The following SNX10 variants were observed in gnomAD, a reference collection of about 807,000 sequenced individuals.
The protein encoded by SNX10 is sorting nexin-10.
SNX10 carries 25 observed loss-of-function variants against 28.5 expected under a neutral mutation model. The observed-to-expected ratio is 0.88, with a 90% CI of 0.64 to 1.22. The LOEUF is 1.22. Ranked by LOEUF, SNX10 falls within the 50% of genes most tolerant of loss-of-function variation. SNX10 has a pLI of 0.00. For missense variants in SNX10, 223 were observed against 242.6 expected (o/e 0.92, Z 0.54); for synonymous variants, 62 against 81.4 (o/e 0.76, Z 1.28).
rs1458328765 is a variant in SNX10 at position 26,364,440 on chromosome 7, T to A, written c.112-95T>A. On this transcript the variant is annotated intron_variant, in intron 3 of 6. Coordinates refer to ENST00000338523, the MANE Select transcript of SNX10 (RefSeq NM_013322.3). This position sits in a 1 kb window ranked among gnomAD's most constrained non-coding sequence, Gnocchi z 4.9. ...ATATGTTTGGTGGTTTAAATCCTATTTAGAGTGAATGTTGAGATCATATTG... is the reference window on the plus strand; with the variant it reads ...ATATGTTTGGTGGTTTAAATCCTATATAGAGTGAATGTTGAGATCATATTG... 1.4e-6 allele frequency: 2 copies of A among 1,454,372 alleles called. No homozygotes were observed. Among genetic ancestry groups the A allele is most frequent in the East Asian group, 2.4e-5 (1 of 41,578 alleles). The allele number at this position is 1,454,372 out of a possible 1,614,324, so 90.1% of individuals were successfully genotyped here.
chr7:26,342,334 G>A lies in SNX10; in HGVS notation c.-23-4086G>A, dbSNP rs554299891. 4.6e-5 allele frequency among the ~76,000 whole-genome samples: 7 copies of A among 152,220 alleles called. No individual in the cohort carries two copies. The East Asian group carries it at 1.2e-3, about 25-fold the overall frequency. On this transcript the variant is annotated intron_variant, in intron 1 of 6. Coordinates refer to ENST00000338523, the MANE Select transcript of SNX10 (RefSeq NM_013322.3). ...GAGCCACTGCGCCTGGCCTCAGGGAGCAATTTCTGATTGGCAGCTTTGGTT... is the reference window on the plus strand; with the variant it reads ...GAGCCACTGCGCCTGGCCTCAGGGAACAATTTCTGATTGGCAGCTTTGGTT...
intron 2 of SNX10, among the ~76,000 whole-genome samples, chr7:26,360,284 G>A (rs1366113227): frequency 6.6e-6 from 1 of 151,766 alleles, no homozygotes; most frequent in Non-Finnish European, 1.5e-5. Flanking sequence ...ACAGGGTCTC[G>A]CTCTTTTGCC....
chr7:26,300,460 G>GA (rs1786292307), intron 1 of SNX10, among the ~76,000 whole-genome samples: 3 of 151,890 alleles, frequency 2.0e-5, no homozygotes, highest in Non-Finnish European at 2.9e-5. Context: ...AAGACCTGTG[G>GA]AAAAAAATAA....
In SNX10 at chr7:26,324,414, C is replaced by T. The variant is rs548896331; in HGVS notation, c.-23-22006C>T. ...TTGCAGTGTCACCCAGGCTAGAATG[C>T]AGTGGTGTGATCATGGCTCACTGTA... On this transcript the variant is annotated intron_variant, in intron 1 of 6. Transcript: ENST00000338523. Among the ~76,000 whole-genome samples, 54 of 152,262 alleles carry T rather than the reference C, an allele frequency of 3.5e-4. No homozygotes were observed. The South Asian group carries it at 0.011, about 31-fold the overall frequency.
intron 1 of SNX10, among the ~76,000 whole-genome samples, chr7:26,310,292 A>G (rs966067781): frequency 5.9e-5 from 9 of 152,224 alleles, no homozygotes; most frequent in Admixed American, 2.6e-4. Context: ...CATTCAATCA[A>G]ATTTAATATA....
At chr7:26,371,087 GAAAT>G (rs1196778476) in intron 5 of SNX10, among the ~76,000 whole-genome samples, 5 of 147,660 alleles carry the variant, frequency 3.4e-5, no homozygotes, top group Non-Finnish European at 7.4e-5. Flanking sequence ...TGCCCTGGTT[GAAAT>G]CTGTTCTGTC....
intron 1 of SNX10, among the ~76,000 whole-genome samples, chr7:26,310,689 T>TA (rs1786792577): frequency 6.6e-6 from 1 of 151,474 alleles, no homozygotes; most frequent in Admixed American, 6.6e-5. Context: ...AACAATTTTT[T>TA]TTTTTTTTTT....
chr7:26,324,244 A>C (rs1787411584), intron 1 of SNX10, among the ~76,000 whole-genome samples: 1 of 150,296 alleles, frequency 6.7e-6, no homozygotes, highest in East Asian at 1.9e-4. Context: ...GCTTATGATT[A>C]TATCAATTAA....
rs12700724 is a variant in SNX10, at chr7:26,311,905, C to T, written c.-24+19819C>T. Among the ~76,000 whole-genome samples, 861 of 142,952 alleles carry T rather than the reference C, an allele frequency of 6.0e-3. 5 individuals are homozygous for T. Among genetic ancestry groups the T allele is most frequent in the Non-Finnish European group, 8.8e-3 (594 of 67,368 alleles). 93.8% of individuals were successfully genotyped at this position (142,952 alleles called of 152,430 possible). On this transcript the variant is annotated intron_variant, in intron 1 of 6. Coordinates refer to ENST00000338523, the MANE Select transcript of SNX10 (RefSeq NM_013322.3). The stretch of plus-strand genomic sequence containing the variant: ...GCCCTTTTGTTGAGAGAGGCAGTGT[C>T]GAGGAGATAAGAGAACAGCTGGCAT...
chr7:26,355,819 A>C (rs1392322297), intron 2 of SNX10, among the ~76,000 whole-genome samples: 1 of 152,234 alleles, frequency 6.6e-6, no homozygotes, highest in Non-Finnish European at 1.5e-5. Flanking sequence ...TCTTTGGAAC[A>C]AGGCAGATCT....
intron 2 of SNX10, among the ~76,000 whole-genome samples, chr7:26,352,030 G>T (rs1179924870): frequency 6.6e-6 from 1 of 152,102 alleles, no homozygotes; most frequent in Non-Finnish European, 1.5e-5. Context: ...TACAAAGGCA[G>T]CATGCTAATA....
At chr7:26,294,290 G>A (rs1177483302) in intron 1 of SNX10, among the ~76,000 whole-genome samples, 3 of 152,190 alleles carry the variant, frequency 2.0e-5, no homozygotes, top group East Asian at 3.8e-4. Context: ...TAGTGTAGTG[G>A]TTAGAACTTG....
intron 1 of SNX10, among the ~76,000 whole-genome samples, chr7:26,308,962 C>G (rs1786705505): frequency 6.6e-6 from 1 of 152,148 alleles, no homozygotes; most frequent in African/African-American, 2.4e-5. Flanking sequence ...CACTTGGTCA[C>G]AGCAATCTTC....
intron 2 of SNX10, chr7:26,360,324 C>T (rs1789016507): frequency 6.6e-6 from 1 of 152,398 alleles, no homozygotes; most frequent in Admixed American, 6.5e-5. Flanking sequence ...ACAATCAAGG[C>T]TCACTGTAGC....
chr7:26,366,514 A>T (rs562286768), intron 5 of SNX10, among the ~76,000 whole-genome samples: 1 of 152,306 alleles, frequency 6.6e-6, no homozygotes, highest in East Asian at 1.9e-4. Context: ...GCATGGCAGG[A>T]CAGAGACCTG....
rs1789210802 is a variant in SNX10 at position 26,364,488 on chromosome 7, C to T, written c.112-47C>T. The T allele has an allele frequency of 3.2e-6, 5 of 1,556,118 alleles. No homozygotes were observed. The highest frequency in any genetic ancestry group is 3.5e-6 in the Non-Finnish European group (4 of 1,149,832). On this transcript the variant is annotated intron_variant, in intron 3 of 6. Transcript: ENST00000338523. The surrounding 1 kb of genome is among the most constrained non-coding windows in gnomAD (Gnocchi z 4.9). ...TTGTGAATTATAGATACAAGAAATG[C>T]ATTTTTTTCCTCAGGTAAGACTCAT...
At chr7:26,313,580 G>A (rs148168419) in intron 1 of SNX10, among the ~76,000 whole-genome samples, 219 of 152,220 alleles carry the variant, frequency 1.4e-3, no homozygotes, top group African/African-American at 5.2e-3. Flanking sequence ...AATAATTTAG[G>A]CATTAGACGA....
At chr7:26,317,692 T>A (rs1279230033) in intron 1 of SNX10, among the ~76,000 whole-genome samples, 3 of 142,504 alleles carry the variant, frequency 2.1e-5, no homozygotes, top group Non-Finnish European at 3.0e-5. Flanking sequence ...AGACAGAGTC[T>A]CACTCTGTTG....
chr7:26,294,365 G>A lies in SNX10; in HGVS notation c.-24+2279G>A, dbSNP rs74813918. On this transcript the variant is annotated intron_variant, in intron 1 of 6. Coordinates refer to ENST00000338523, the MANE Select transcript of SNX10 (RefSeq NM_013322.3). The stretch of plus-strand genomic sequence containing the variant: ...ATTTTCTAAGTATAGTTTTGTTGGC[G>A]GGGCACTTAACACTCTCTGAGTTGC... 4.2e-3 allele frequency among the ~76,000 whole-genome samples: 637 copies of A among 152,268 alleles called. 5 individuals carry two copies. The highest frequency in any genetic ancestry group is 0.014 in the African/African-American group (593 of 41,552).
Sources: allele counts gnomAD v4.1 joint callset (sites outside exome capture counted in the v4.1 genomes callset), GRCh38; gene constraint gnomAD v4.1.1; non-coding constraint Gnocchi (gnomAD v3.1); transcripts MANE v1.5; gene names NCBI Gene and HGNC (gene_info 2026-07-23, HGNC 2026-07-21).